The following NFIB variants were observed in gnomAD, a reference collection of about 807,000 sequenced individuals.
NFIB encodes nuclear factor 1 B-type.
Under a neutral mutation model 61.5 loss-of-function variants are expected in NFIB, and 11 were observed. That is an observed-to-expected ratio of 0.18 (90% confidence interval 0.11 to 0.30). The LOEUF (loss-of-function observed/expected upper bound fraction) is 0.30, where lower values mean the gene tolerates loss of function less well. Ranked by LOEUF, NFIB falls within the 10% of genes least tolerant of loss-of-function variation. The pLI is 1.00. For missense variants in NFIB, 471 were observed against 608.9 expected (o/e 0.77, Z 2.38); for synonymous variants, 260 against 216.5 (o/e 1.20, Z -1.76).
At chr9:14,276,664 T>C (rs561352523) in intron 2 of NFIB, among the ~76,000 whole-genome samples, 1 of 152,094 alleles carries the variant, frequency 6.6e-6, no homozygotes, top group Non-Finnish European at 1.5e-5. Context: ...ATAATATCTA[T>C]CTTGTGAAGG....
At chr9:14,491,173 A>G in the NFIB span, among the ~76,000 whole-genome samples, 1 of 152,200 alleles carries the variant, frequency 6.6e-6, no homozygotes, top group African/African-American at 2.4e-5. Flanking sequence ...TATAGTTTTT[A>G]TCTCTGTGGT....
chr9:14,523,454 T>C, the NFIB span, among the ~76,000 whole-genome samples: 2 of 152,096 alleles, frequency 1.3e-5, no homozygotes, highest in Admixed American at 6.6e-5. Context: ...TATTCCTGCG[T>C]GTGCCTCTGA....
intron 2 of NFIB, among the ~76,000 whole-genome samples, chr9:14,265,661 C>CGGGG (rs2057136954): frequency 1.3e-5 from 2 of 152,154 alleles, no homozygotes; most frequent in African/African-American, 4.8e-5. Context: ...TGTTGACCAC[C>CGGGG]ATATCCCTCT....
chr9:14,437,303 T>C, the NFIB span, among the ~76,000 whole-genome samples: 4 of 152,238 alleles, frequency 2.6e-5, no homozygotes, highest in African/African-American at 9.6e-5. Flanking sequence ...ATCTTTTATG[T>C]GTTTTCTGAA....
At chr9:14,236,980 T>C (rs1404312321) in intron 2 of NFIB, among the ~76,000 whole-genome samples, 1 of 152,182 alleles carries the variant, frequency 6.6e-6, no homozygotes, top group African/African-American at 2.4e-5. Flanking sequence ...TTTTTTTTCT[T>C]CTTCCCCTAA....
At chr9:14,146,903 T>C in intron 5 of NFIB, 96 bp from the exon 6 acceptor site, 1 of 1,498,482 alleles carries the variant, frequency 6.7e-7, no homozygotes, top group African/African-American at 1.4e-5. Context: ...CTGTGAAAAT[T>C]TTCATAAGCA....
chr9:14,287,974 C>T (rs995124313), intron 2 of NFIB, among the ~76,000 whole-genome samples: 9 of 152,058 alleles, frequency 5.9e-5, no homozygotes, highest in African/African-American at 1.2e-4. Context: ...TCAACAGCCA[C>T]GCTTGATTTT....
intron 10 of NFIB, among the ~76,000 whole-genome samples, chr9:14,107,926 CT>C (rs1291560182): frequency 1.3e-5 from 2 of 152,166 alleles, no homozygotes; most frequent in East Asian, 3.9e-4. Context: ...TGTAATTTTA[CT>C]TTTACATTAA....
chr9:14,426,654 C>T, the NFIB span, among the ~76,000 whole-genome samples: 3 of 152,148 alleles, frequency 2.0e-5, no homozygotes, highest in African/African-American at 7.2e-5. Context: ...AAACTTCTGC[C>T]CTTCCTCCAA....
At chr9:14,126,879 C>T (rs569747110) in intron 6 of NFIB, among the ~76,000 whole-genome samples, 9 of 152,226 alleles carry the variant, frequency 5.9e-5, no homozygotes, top group East Asian at 1.9e-4. Context: ...TGTTCAAGAC[C>T]GAATGTATGC....
At chr9:14,096,108 T>A (rs1259369108) in intron 10 of NFIB, among the ~76,000 whole-genome samples, 1 of 152,068 alleles carries the variant, frequency 6.6e-6, no homozygotes, top group Non-Finnish European at 1.5e-5. Flanking sequence ...ACCAAAAAGG[T>A]AAGCTAATAA....
chr9:14,396,190 C>CT (rs1309068078), intron 1 of NFIB, among the ~76,000 whole-genome samples: 9 of 151,088 alleles, frequency 6.0e-5, no homozygotes, highest in Non-Finnish European at 7.4e-5. Context: ...ATTTTTCTCC[C>CT]TTTTTTTTTC....
chr9:14,136,905 T>G (rs1412346321), intron 6 of NFIB, among the ~76,000 whole-genome samples: 1 of 152,190 alleles, frequency 6.6e-6, no homozygotes, highest in East Asian at 1.9e-4. Flanking sequence ...TAAATTGTAG[T>G]GTTTAAGTTC....
At chr9:14,530,211 G>A in the NFIB span, among the ~76,000 whole-genome samples, 2 of 152,158 alleles carry the variant, frequency 1.3e-5, no homozygotes, top group African/African-American at 4.8e-5. Context: ...CCTTGGTATT[G>A]TCACAGAAAG....
intron 2 of NFIB, among the ~76,000 whole-genome samples, chr9:14,219,995 G>T (rs759631044): frequency 6.6e-6 from 1 of 152,132 alleles, no homozygotes; most frequent in South Asian, 2.1e-4. Flanking sequence ...TCCAACTCCA[G>T]TCTTGGGAGC....
At chr9:14,410,605 G>C in the NFIB span, among the ~76,000 whole-genome samples, 2 of 152,290 alleles carry the variant, frequency 1.3e-5, no homozygotes, top group African/African-American at 2.4e-5. Flanking sequence ...GAAGAAAGTT[G>C]AGAGTGATTC....
chr9:14,245,596 G>C (rs2054829241), intron 2 of NFIB, among the ~76,000 whole-genome samples: 2 of 152,106 alleles, frequency 1.3e-5, no homozygotes, highest in Non-Finnish European at 2.9e-5. Flanking sequence ...CACATGGCCG[G>C]GCTCAGTGGC....
intron 1 of NFIB, among the ~76,000 whole-genome samples, chr9:14,380,520 T>A (rs2061475303): frequency 6.6e-6 from 1 of 152,208 alleles, no homozygotes; most frequent in South Asian, 2.1e-4. Context: ...GGAAGTCACA[T>A]AATCCTCCTA....
chr9:14,165,606 C>G (rs1172051341), intron 3 of NFIB, among the ~76,000 whole-genome samples: 1 of 151,986 alleles, frequency 6.6e-6, no homozygotes, highest in Non-Finnish European at 1.5e-5. Context: ...CAAATAGAGA[C>G]AAAGCAAATA....
Sources: gnomAD v4.1 joint callset for allele counts (sites outside exome capture counted in the v4.1 genomes callset) on GRCh38, gnomAD v4.1.1 for gene constraint, MANE v1.5 for transcripts, NCBI Gene and HGNC (gene_info 2026-07-23, HGNC 2026-07-21) for gene names.